The following BAZ2B variants were observed in gnomAD, a reference collection of about 807,000 sequenced individuals.
BAZ2B encodes the protein bromodomain adjacent to zinc finger domain protein 2B.
Under a neutral mutation model 246.0 loss-of-function variants are expected in BAZ2B, and 91 were observed. That is an observed-to-expected ratio of 0.37 (90% CI 0.31 to 0.44). The LOEUF (loss-of-function observed/expected upper bound fraction) is 0.44, where lower values mean the gene tolerates loss of function less well. Ranked by LOEUF, BAZ2B falls within the 20% of genes least tolerant of loss-of-function variation. The pLI is 1.00. For missense variants in BAZ2B, 2,332 were observed against 2,533.7 expected, an observed-to-expected ratio of 0.92 and a Z score of 1.71; for synonymous variants, 855 against 860.0, an observed-to-expected ratio of 0.99 and a Z score of 0.10.
At chr2:159,563,063 G>A (rs2090035833) in intron 1 of BAZ2B, among the ~76,000 whole-genome samples, 1 of 152,166 alleles carries the variant, frequency 6.6e-6, no homozygotes, top group East Asian at 1.9e-4. Flanking sequence ...TAATACAGCG[G>A]TCAAAGAAAT....
At chr2:159,444,625 AG>A (rs1392378185) in intron 6 of BAZ2B, 2 of 152,262 alleles carry the variant, frequency 1.3e-5, no homozygotes, top group African/African-American at 4.8e-5. Flanking sequence ...AGTAGTTCTT[AG>A]GATTAAAAAT....
the BAZ2B span, among the ~76,000 whole-genome samples, chr2:159,669,057 CA>C: frequency 1.4e-5 from 2 of 147,946 alleles, no homozygotes; most frequent in Admixed American, 6.8e-5. Context: ...GACTCCGTCT[CA>C]AAAAAAAAAG....
upstream of BAZ2B, among the ~76,000 whole-genome samples, chr2:159,621,163 G>T (rs1421725198): frequency 6.6e-6 from 1 of 152,152 alleles, no homozygotes; most frequent in Non-Finnish European, 1.5e-5. Flanking sequence ...AAAGTAGTCT[G>T]GAATTAAAAC....
At chr2:159,652,773 A>G in the BAZ2B span, among the ~76,000 whole-genome samples, 1 of 151,708 alleles carries the variant, frequency 6.6e-6, no homozygotes, top group Non-Finnish European at 1.5e-5. Context: ...GTGTGGTACC[A>G]TGCCTGGCTA....
intron 4 of BAZ2B, among the ~76,000 whole-genome samples, chr2:159,448,805 T>C (rs1031171078): frequency 6.6e-6 from 1 of 152,194 alleles, no homozygotes; most frequent in Admixed American, 6.5e-5. Flanking sequence ...GTTAAGACTT[T>C]CCTCAAATTA....
At chr2:159,501,295 G>A (rs2081803002) in intron 2 of BAZ2B, among the ~76,000 whole-genome samples, 1 of 135,486 alleles carries the variant, frequency 7.4e-6, no homozygotes, top group African/African-American at 2.8e-5. Flanking sequence ...TCAGGAGGCT[G>A]ATGGGGGATG....
intron 34 of BAZ2B, among the ~76,000 whole-genome samples, chr2:159,330,411 A>G (rs1227319372): frequency 6.6e-6 from 1 of 152,210 alleles, no homozygotes; most frequent in Non-Finnish European, 1.5e-5. Flanking sequence ...GTGAAAATCA[A>G]TGTTTCAAAG....
the BAZ2B span, among the ~76,000 whole-genome samples, chr2:159,695,907 C>T: frequency 1.3e-5 from 2 of 152,010 alleles, no homozygotes; most frequent in Non-Finnish European, 2.9e-5. Context: ...GACACGCATG[C>T]CACCATGCCT....
At chr2:159,363,698 A>G (rs974423771) in intron 27 of BAZ2B, among the ~76,000 whole-genome samples, 6 of 152,216 alleles carry the variant, frequency 3.9e-5, no homozygotes, top group African/African-American at 1.2e-4. Flanking sequence ...ATAAGACAGA[A>G]ATTGAGAGAC....
intron 1 of BAZ2B, among the ~76,000 whole-genome samples, chr2:159,600,794 G>C (rs1457600945): frequency 6.6e-6 from 1 of 152,220 alleles, no homozygotes; most frequent in African/African-American, 2.4e-5. Context: ...GGGAATCACA[G>C]ATCTTGGGAC....
chr2:159,683,185 G>A, the BAZ2B span, among the ~76,000 whole-genome samples: 6 of 152,026 alleles, frequency 3.9e-5, no homozygotes, highest in Non-Finnish European at 5.9e-5. Context: ...GGGAAAATAC[G>A]TTCTGAACAA....
the BAZ2B span, chr2:159,712,418 C>T: frequency 6.9e-3 from 1,063 of 153,146 alleles, 4 homozygotes; most frequent in South Asian, 0.021. Context: ...GCTCTCGGTC[C>T]CCGCCGCGCC....
At chr2:159,374,803 T>A in intron 25 of BAZ2B, 50 bp from the exon 26 acceptor site, 1 of 1,520,030 alleles carries the variant, frequency 6.6e-7, no homozygotes, top group Non-Finnish European at 9.1e-7. Context: ...GATTTATTTA[T>A]TCAATCAGTA....
chr2:159,590,226 A>C (rs1198726661), intron 1 of BAZ2B, among the ~76,000 whole-genome samples: 2 of 111,024 alleles, frequency 1.8e-5, no homozygotes, highest in Non-Finnish European at 3.8e-5. Context: ...AAAAAAAAAA[A>C]AAAAACAACC....
At chr2:159,461,456 G>A (rs1016461254) in intron 3 of BAZ2B, 5 of 152,568 alleles carry the variant, frequency 3.3e-5, no homozygotes, top group African/African-American at 1.2e-4. Context: ...ACAATAGAAA[G>A]ATACTGCCTG....
At chr2:159,367,788 T>C (rs1169917912) in intron 27 of BAZ2B, among the ~76,000 whole-genome samples, 3 of 152,034 alleles carry the variant, frequency 2.0e-5, no homozygotes, top group African/African-American at 2.4e-5. Context: ...CTTGGGAGGC[T>C]GAGGCAGGAG....
chr2:159,337,704 A>C lies in BAZ2B; in HGVS notation c.5523T>G (p.Thr1841=). 1 of 1,614,206 alleles carries C rather than the reference A, an allele frequency of 6.2e-7. No individual in the cohort carries two copies. ...DLVYFEHKSF[T]KLCKEHDGEF... is the part of the protein sequence containing the mutation. ...CTCCATCATGCTCCTTGCACAATTTAGTAAATGATTTATGTTCAAAATATA... is the reference window on the plus strand; with the variant it reads ...CTCCATCATGCTCCTTGCACAATTTCGTAAATGATTTATGTTCAAAATATA... The change falls in exon 32 of 37, where the codon ACT becomes ACG. Residue 1841 remains threonine, a synonymous_variant. Transcript: ENST00000392783.
the BAZ2B span, among the ~76,000 whole-genome samples, chr2:159,672,894 G>C: frequency 6.6e-6 from 1 of 152,096 alleles, no homozygotes; most frequent in African/African-American, 2.4e-5. Flanking sequence ...TGTAAAGTAT[G>C]AAATGATACA....
rs1426014671 is a variant in BAZ2B at position 159,543,568 on chromosome 2, G to A, written c.-3+12255C>T. On this transcript the variant is annotated intron_variant, in intron 2 of 36. Coordinates refer to ENST00000392783, the MANE Select transcript of BAZ2B (RefSeq NM_013450.4). ...TTTTTTTTTTTTGAGATGGAGTCTC[G>A]CTCTTTTGCCAGGCTGGAGTGCAGT... 9.9e-5 allele frequency among the ~76,000 whole-genome samples: 13 copies of A among 131,246 alleles called. No homozygotes were observed. In the South Asian group the frequency reaches 1.6e-3, roughly 16 times the overall value. 86.1% of individuals were successfully genotyped at this position (131,246 alleles called of 152,430 possible).
Sources: gnomAD v4.1 joint callset for allele counts (sites outside exome capture counted in the v4.1 genomes callset) on GRCh38, gnomAD v4.1.1 for gene constraint, MANE v1.5 for transcripts, NCBI Gene and HGNC (gene_info 2026-07-23, HGNC 2026-07-21) for gene names.